WWP2: variants seen among roughly 807,000 people sequenced by gnomAD.
WWP2 encodes NEDD4-like E3 ubiquitin-protein ligase WWP2.
In WWP2, 57 loss-of-function variants were observed where a neutral mutation model predicts 121.0. That is an observed-to-expected ratio of 0.47 (90% confidence interval 0.38 to 0.59). WWP2 has a LOEUF of 0.59. Ranked by LOEUF, WWP2 falls within the 20% of genes least tolerant of loss-of-function variation. The probability of loss-of-function intolerance (pLI) is 0.00; values close to 1 mark genes in which losing one functional copy is unlikely to be tolerated. For synonymous variants in WWP2, 449 were observed against 441.3 expected, an observed-to-expected ratio of 1.02 and a Z score of -0.22; for missense variants, 962 against 1,158.9, an observed-to-expected ratio of 0.83 and a Z score of 2.47.
intron 8 of WWP2, among the ~76,000 whole-genome samples, chr16:69,895,935 ACT>A (rs1306783277): frequency 3.3e-5 from 5 of 151,796 alleles, no homozygotes; most frequent in African/African-American, 1.2e-4. Context: ...TTAGTTTGTG[ACT>A]CTGCAGGGAT....
chr16:69,805,044 CT>C (rs1318031530), intron 4 of WWP2, among the ~76,000 whole-genome samples: 206 of 142,860 alleles, frequency 1.4e-3, no homozygotes, highest in Admixed American at 1.6e-3. Flanking sequence ...GCTTGGTAGA[CT>C]TTTTTTTTTT....
At chr16:69,910,732 T>A (rs2058367442) in intron 9 of WWP2, among the ~76,000 whole-genome samples, 1 of 152,082 alleles carries the variant, frequency 6.6e-6, no homozygotes, top group Non-Finnish European at 1.5e-5. Context: ...TCTTAACCTC[T>A]CTTGTCTAGG....
chr16:69,798,576 A>G (rs1435639008), intron 2 of WWP2, 106 bp from the exon 3 acceptor site: 1 of 1,313,318 alleles, frequency 7.6e-7, no homozygotes, highest in Non-Finnish European at 1.0e-6. Flanking sequence ...AAATGTATTG[A>G]TTTATTTTTT....
At chr16:69,900,483 A>G (rs2058185936) in intron 8 of WWP2, among the ~76,000 whole-genome samples, 1 of 152,042 alleles carries the variant, frequency 6.6e-6, no homozygotes, top group South Asian at 2.1e-4. Flanking sequence ...AAAGATAATT[A>G]AAAGAATTTT....
At chr16:69,824,076 A>T (rs1483760175) in intron 4 of WWP2, among the ~76,000 whole-genome samples, 1 of 151,974 alleles carries the variant, frequency 6.6e-6, no homozygotes, top group Non-Finnish European at 1.5e-5. Context: ...CAAAACTGAA[A>T]CACTTCATCT....
At chr16:69,934,237 C>T (rs1378601972) in intron 17 of WWP2, 108 bp downstream of exon 17, 2 of 1,413,336 alleles carry the variant, frequency 1.4e-6, no homozygotes, top group Non-Finnish European at 1.9e-6. Flanking sequence ...TTCTCTGAGA[C>T]CTCCAGGAAG....
intron 1 of WWP2, among the ~76,000 whole-genome samples, chr16:69,777,388 C>T (rs1415542688): frequency 6.6e-6 from 1 of 151,916 alleles, no homozygotes; most frequent in Non-Finnish European, 1.5e-5. Context: ...GCAACCTCTG[C>T]CTCCTGGGTT....
intron 1 of WWP2, 63 bp from the exon 2 acceptor site, chr16:69,786,933 A>G: frequency 7.2e-7 from 1 of 1,397,188 alleles, no homozygotes; most frequent in Non-Finnish European, 9.8e-7. Context: ...ATTGAAATTG[A>G]GTTAAACTCC....
chr16:69,779,244 C>T (rs576720838), intron 1 of WWP2, among the ~76,000 whole-genome samples: 1 of 152,322 alleles, frequency 6.6e-6, no homozygotes, highest in African/African-American at 2.4e-5. Context: ...AGCCACTGTG[C>T]GTGGCCCCGG....
intron 6 of WWP2, among the ~76,000 whole-genome samples, chr16:69,859,445 C>T (rs2057377354): frequency 6.6e-6 from 1 of 152,100 alleles, no homozygotes; most frequent in South Asian, 2.1e-4. Flanking sequence ...ATCCCGGTTA[C>T]TCAGGAGGCT....
intron 9 of WWP2, among the ~76,000 whole-genome samples, chr16:69,912,296 A>T (rs1397584423): frequency 6.6e-6 from 1 of 151,770 alleles, no homozygotes; most frequent in Admixed American, 6.6e-5. Context: ...CATCTCAAAA[A>T]AAAACAAAAC....
chr16:69,789,386 C>T lies in WWP2; in HGVS notation c.70+2306C>T, dbSNP rs553227775. Reference sequence around the variant, plus strand: ...CTGGGACTACAGGCGTGTGCCACCGCGCCTGGCTACTTTTTGTATATTTAG... The same window carrying T: ...CTGGGACTACAGGCGTGTGCCACCGTGCCTGGCTACTTTTTGTATATTTAG... On this transcript the variant is annotated intron_variant, in intron 2 of 23. Coordinates refer to ENST00000359154, the MANE Select transcript of WWP2 (RefSeq NM_001270454.2). 2.0e-4 allele frequency among the ~76,000 whole-genome samples: 30 copies of T among 152,214 alleles called. No homozygotes were observed. The South Asian group carries it at 3.1e-3, about 16-fold the overall frequency.
intron 1 of WWP2, among the ~76,000 whole-genome samples, chr16:69,771,155 T>C (rs1313871039): frequency 3.9e-5 from 6 of 152,092 alleles, no homozygotes; most frequent in Non-Finnish European, 7.4e-5. Context: ...TGAGGTAGGG[T>C]GATAAAAGTG....
intron 8 of WWP2, among the ~76,000 whole-genome samples, chr16:69,893,024 ATAACT>A (rs2058053413): frequency 6.6e-6 from 1 of 152,208 alleles, no homozygotes; most frequent in Non-Finnish European, 1.5e-5. Flanking sequence ...CTAAGCCACG[ATAACT>A]TAACTTTAAT....
chr16:69,847,096 T>A (rs1248804973), intron 6 of WWP2, among the ~76,000 whole-genome samples: 2 of 149,196 alleles, frequency 1.3e-5, no homozygotes, highest in Non-Finnish European at 3.0e-5. Flanking sequence ...TATTTATTTT[T>A]AAATTTGAGA....
chr16:69,931,076 C>T, intron 13 of WWP2, 76 bp from the exon 14 acceptor site: 1 of 1,441,570 alleles, frequency 6.9e-7, no homozygotes. Context: ...CACCAGCTTT[C>T]CTTAGGGCTG....
intron 8 of WWP2, among the ~76,000 whole-genome samples, chr16:69,907,348 C>T (rs543966328): frequency 5.9e-5 from 9 of 152,162 alleles, no homozygotes; most frequent in South Asian, 2.1e-4. Context: ...ATAGAATTCC[C>T]ATTATGCTCA....
chr16:69,934,211 C>T (rs2058762176), intron 17 of WWP2, 82 bp downstream of exon 17: 4 of 1,529,100 alleles, frequency 2.6e-6, no homozygotes, highest in Non-Finnish European at 3.6e-6. Flanking sequence ...CCAGGGGCAC[C>T]AGGGGAATCT....
chr16:69,819,959 G>A (rs2056563069), intron 4 of WWP2, among the ~76,000 whole-genome samples: 1 of 152,170 alleles, frequency 6.6e-6, no homozygotes, highest in Non-Finnish European at 1.5e-5. Context: ...GAATCATACA[G>A]CTGGGCACAG....
Sources: allele counts gnomAD v4.1 joint callset (sites outside exome capture counted in the v4.1 genomes callset), GRCh38; gene constraint gnomAD v4.1.1; transcripts MANE v1.5; gene names NCBI Gene and HGNC (gene_info 2026-07-23, HGNC 2026-07-21).